The following TMC1 variants were observed in gnomAD, a reference collection of about 807,000 sequenced individuals.
The protein encoded by TMC1 is transmembrane channel-like protein 1.
Under a neutral mutation model 105.8 loss-of-function variants are expected in TMC1, and 84 were observed. The observed-to-expected ratio is 0.79, with a 90% CI of 0.67 to 0.95. TMC1 has a LOEUF of 0.95. TMC1 is among the 40% of genes least tolerant of loss of function. TMC1 has a pLI of 0.00. For synonymous variants in TMC1, 315 were observed against 311.5 expected (o/e 1.01, Z -0.12); for missense variants, 817 against 914.1 (o/e 0.89, Z 1.37).
intron 1 of TMC1, among the ~76,000 whole-genome samples, chr9:72,539,532 A>G (rs567842295): frequency 6.6e-6 from 1 of 152,080 alleles, no homozygotes; most frequent in Admixed American, 6.6e-5. Flanking sequence ...AAAGCATAAC[A>G]TGGAACCCTT....
chr9:72,564,531 T>C (rs1824114380), intron 1 of TMC1, among the ~76,000 whole-genome samples: 2 of 152,168 alleles, frequency 1.3e-5, no homozygotes, highest in Admixed American at 1.3e-4. Flanking sequence ...ACTATAAACC[T>C]CAGAATGTTC....
chr9:72,644,484 GAT>G, intron 4 of TMC1, among the ~76,000 whole-genome samples: 1 of 152,112 alleles, frequency 6.6e-6, no homozygotes, highest in South Asian at 2.1e-4. Flanking sequence ...GTGGAAAACT[GAT>G]TGTTCCAGCA....
intron 8 of TMC1, among the ~76,000 whole-genome samples, chr9:72,707,054 C>T (rs980584652): frequency 5.9e-5 from 9 of 152,260 alleles, no homozygotes; most frequent in Admixed American, 4.6e-4. Flanking sequence ...GGATTACAGG[C>T]GTAAGCCACC....
chr9:72,745,270 A>G (rs1050395916), intron 10 of TMC1, among the ~76,000 whole-genome samples: 1 of 152,218 alleles, frequency 6.6e-6, no homozygotes, highest in Non-Finnish European at 1.5e-5. Context: ...TTGTGATTAA[A>G]TAACTGTCCC....
At chr9:72,764,529 G>C (rs1284045043) in intron 12 of TMC1, among the ~76,000 whole-genome samples, 1 of 152,114 alleles carries the variant, frequency 6.6e-6, no homozygotes, top group Non-Finnish European at 1.5e-5. Flanking sequence ...AAAAATTAAA[G>C]AGTTTTTCCA....
At chr9:72,683,295 G>GA (rs34226471) in intron 5 of TMC1, among the ~76,000 whole-genome samples, 61,906 of 151,782 alleles carry the variant, frequency 0.41, 13,506 homozygotes, top group African/African-American at 0.57. Context: ...TTGGTTTTAA[G>GA]AAAGCAAAAT....
At chr9:72,545,143 C>T (rs867874388) in intron 1 of TMC1, among the ~76,000 whole-genome samples, 3,965 of 150,820 alleles carry the variant, frequency 0.026, 158 homozygotes, top group African/African-American at 0.091. Context: ...TATATACACA[C>T]ACACACACAC....
intron 8 of TMC1, among the ~76,000 whole-genome samples, chr9:72,739,168 C>G (rs376702449): frequency 6.6e-6 from 1 of 152,198 alleles, no homozygotes; most frequent in African/African-American, 2.4e-5. Context: ...CAAGGGCCTT[C>G]TCCCAGGTTG....
chr9:72,635,391 A>G (rs1298334681), intron 4 of TMC1, among the ~76,000 whole-genome samples: 2 of 152,116 alleles, frequency 1.3e-5, no homozygotes, highest in Non-Finnish European at 2.9e-5. Context: ...CACATGGTTG[A>G]TTTCCATGGC....
At chr9:72,587,868 C>T (rs536387488) in intron 2 of TMC1, among the ~76,000 whole-genome samples, 4 of 151,858 alleles carry the variant, frequency 2.6e-5, no homozygotes, top group African/African-American at 9.7e-5. Flanking sequence ...TCACTGCAAC[C>T]TTTGCTTCCC....
intron 5 of TMC1, among the ~76,000 whole-genome samples, chr9:72,659,803 T>C (rs1825946980): frequency 6.6e-6 from 1 of 152,218 alleles, no homozygotes; most frequent in East Asian, 1.9e-4. Flanking sequence ...GTTAGAACTT[T>C]TATGAGAAAG....
intron 8 of TMC1, among the ~76,000 whole-genome samples, chr9:72,710,657 G>A (rs969696559): frequency 6.6e-6 from 1 of 152,018 alleles, no homozygotes; most frequent in African/African-American, 2.4e-5. Flanking sequence ...TATAAGAATA[G>A]CTACTCCTGG....
At chr9:72,696,903 C>T (rs1160120574) in intron 7 of TMC1, among the ~76,000 whole-genome samples, 3 of 152,162 alleles carry the variant, frequency 2.0e-5, no homozygotes, top group Non-Finnish European at 4.4e-5. Context: ...ATGAGGCATG[C>T]CTATGCCTTT....
Position 72,580,557 on chromosome 9 carries a change from AGT to A in TMC1, c.-306+2558_-306+2559del, listed in dbSNP as rs112783067. On this transcript the variant is annotated intron_variant, in intron 2 of 23. Transcript: ENST00000297784. ...TCTTCTCTAAATCTGACAGTGAAGC[AGT>A]GTGTGTGTGTGTGTGTGTGTGTGCA... 6.1e-3 allele frequency among the ~76,000 whole-genome samples: 913 copies of A among 149,574 alleles called. 4 individuals carry two copies. The highest frequency in any genetic ancestry group is 9.4e-3 in the Admixed American group (141 of 15,030).
At chr9:72,787,488 CT>C (rs35778378) in intron 13 of TMC1, among the ~76,000 whole-genome samples, 3,575 of 152,030 alleles carry the variant, frequency 0.024, 68 homozygotes, top group Admixed American at 0.038. Flanking sequence ...AAACCAAAAC[CT>C]TATGGGACCA....
chr9:72,771,026 A>T (rs1177949220), intron 12 of TMC1, among the ~76,000 whole-genome samples: 1 of 152,184 alleles, frequency 6.6e-6, no homozygotes, highest in Non-Finnish European at 1.5e-5. Flanking sequence ...TTTGATATGG[A>T]CACCCCATGG....
chr9:72,716,851 C>T (rs887851172), intron 8 of TMC1, among the ~76,000 whole-genome samples: 12 of 152,278 alleles, frequency 7.9e-5, no homozygotes, highest in Admixed American at 3.3e-4. Context: ...TCTGCCCAAA[C>T]GGCAGCCCAG....
intron 5 of TMC1, among the ~76,000 whole-genome samples, chr9:72,668,140 CT>C (rs1213299409): frequency 2.6e-5 from 4 of 152,160 alleles, no homozygotes; most frequent in Non-Finnish European, 4.4e-5. Context: ...ATTCGAGTGC[CT>C]TTTATATATC....
chr9:72,808,177 C>G (rs1828635456), intron 18 of TMC1, among the ~76,000 whole-genome samples: 1 of 152,206 alleles, frequency 6.6e-6, no homozygotes, highest in Non-Finnish European at 1.5e-5. Flanking sequence ...CCTTTTCTTT[C>G]TCTCTCAAGT....
Sources: gnomAD v4.1 joint callset for allele counts (sites outside exome capture counted in the v4.1 genomes callset) on GRCh38, gnomAD v4.1.1 for gene constraint, MANE v1.5 for transcripts, NCBI Gene and HGNC (gene_info 2026-07-23, HGNC 2026-07-21) for gene names.